The following GALNT10 variants were observed in gnomAD, a reference collection of about 807,000 sequenced individuals.
The protein encoded by GALNT10 is GalNAc transferase 10.
A neutral mutation model predicts 75.0 loss-of-function variants in GALNT10; 41 were observed. The ratio of observed to expected loss-of-function variants is 0.55; its 90% CI spans 0.43 to 0.71. GALNT10 has a LOEUF of 0.71. Ranked by LOEUF, GALNT10 falls within the 30% of genes least tolerant of loss-of-function variation. The pLI is 0.00. For synonymous variants in GALNT10, 302 were observed against 313.0 expected (o/e 0.96, Z 0.37); for missense variants, 727 against 818.5 (o/e 0.89, Z 1.36).
intron 1 of GALNT10, among the ~76,000 whole-genome samples, chr5:154,288,408 T>TTGTGTG (rs10534031): frequency 0.056 from 6,868 of 122,496 alleles, 169 homozygotes; most frequent in Non-Finnish European, 0.061. Context: ...AAAATTCCAT[T>TTGTGTG]TGTGTGTGTG....
intron 1 of GALNT10, among the ~76,000 whole-genome samples, chr5:154,264,524 A>T (rs1006887118): frequency 3.9e-5 from 6 of 152,160 alleles, no homozygotes; most frequent in Admixed American, 3.3e-4. Context: ...AAATGTATAT[A>T]ATGTATATAT....
intron 1 of GALNT10, among the ~76,000 whole-genome samples, chr5:154,210,106 A>T (rs758455933): frequency 1.3e-5 from 2 of 152,120 alleles, no homozygotes; most frequent in Non-Finnish European, 2.9e-5. Flanking sequence ...CAGCAGTCAG[A>T]GTTATCTTTT....
intron 9 of GALNT10, among the ~76,000 whole-genome samples, chr5:154,410,684 T>C (rs1457043363): frequency 1.3e-5 from 2 of 152,200 alleles, no homozygotes; most frequent in South Asian, 2.1e-4. Flanking sequence ...TAGGATGCTG[T>C]TGCCCTTCTT....
chr5:154,252,434 G>A (rs1202538177), intron 1 of GALNT10, among the ~76,000 whole-genome samples: 1 of 152,002 alleles, frequency 6.6e-6, no homozygotes, highest in Non-Finnish European at 1.5e-5. Context: ...CTTGAAAGTT[G>A]GTTTTGCTGG....
At chr5:154,250,755 A>G (rs1364492984) in intron 1 of GALNT10, among the ~76,000 whole-genome samples, 2 of 152,114 alleles carry the variant, frequency 1.3e-5, no homozygotes, top group Admixed American at 6.6e-5. Flanking sequence ...AAAAGATTAC[A>G]AACATCTTGT....
intron 1 of GALNT10, among the ~76,000 whole-genome samples, chr5:154,272,385 C>T (rs1199511817): frequency 6.6e-6 from 1 of 152,172 alleles, no homozygotes; most frequent in East Asian, 1.9e-4. Flanking sequence ...AATTTCTTCC[C>T]AGATCTATGG....
intron 1 of GALNT10, among the ~76,000 whole-genome samples, chr5:154,216,380 A>T (rs73802955): frequency 0.031 from 4,737 of 152,178 alleles, 260 homozygotes; most frequent in African/African-American, 0.11. Context: ...TGTGTTTTTT[A>T]AAAAAATGTA....
chr5:154,344,336 T>C (rs1029216020), intron 4 of GALNT10, among the ~76,000 whole-genome samples: 3 of 151,550 alleles, frequency 2.0e-5, no homozygotes, highest in Non-Finnish European at 4.4e-5. Flanking sequence ...CTCAGCCTCC[T>C]GAGTAGCTGG....
chr5:154,384,949 G>A (rs1485627740), intron 6 of GALNT10, among the ~76,000 whole-genome samples: 1 of 152,200 alleles, frequency 6.6e-6, no homozygotes, highest in Non-Finnish European at 1.5e-5. Flanking sequence ...GCTCCGTACA[G>A]CACCCGGCAT....
At chr5:154,341,641 T>C (rs1373859224) in intron 4 of GALNT10, among the ~76,000 whole-genome samples, 1 of 152,226 alleles carries the variant, frequency 6.6e-6, no homozygotes, top group Admixed American at 6.5e-5. Flanking sequence ...GCTAGCAGAT[T>C]TGTCTTAACC....
intron 4 of GALNT10, among the ~76,000 whole-genome samples, chr5:154,335,027 A>G (rs1754922910): frequency 6.6e-6 from 1 of 151,714 alleles, no homozygotes; most frequent in African/African-American, 2.4e-5. Flanking sequence ...TGCCCAATAA[A>G]CCTCTATTCC....
chr5:154,196,533 T>C (rs1774942454), intron 1 of GALNT10, among the ~76,000 whole-genome samples: 1 of 152,172 alleles, frequency 6.6e-6, no homozygotes, highest in South Asian at 2.1e-4. Context: ...TGGTTTCTGT[T>C]GGTTCTGACT....
In GALNT10 at chr5:154,409,381, A is replaced by G; in HGVS notation, c.1165-160A>G. 1.4e-6 allele frequency: 1 copy of G among 697,184 alleles called. No homozygotes were observed. Among genetic ancestry groups the G allele is most frequent in the Non-Finnish European group, 2.6e-6 (1 of 383,914 alleles). 43.2% of individuals were successfully genotyped at this position (697,184 alleles called of 1,614,324 possible). On this transcript the variant is annotated intron_variant, in intron 8 of 11. Transcript: ENST00000297107. The surrounding 1 kb of genome is among the most constrained non-coding windows in gnomAD (Gnocchi z 4.5). Reference sequence around the variant, plus strand: ...AGCCCTTAAAACATGCATAATGATAAATAGAAACACAGAAGGCCTAAACTC... The same window carrying G: ...AGCCCTTAAAACATGCATAATGATAGATAGAAACACAGAAGGCCTAAACTC...
chr5:154,349,326 A>G (rs1249643764), intron 4 of GALNT10: 1 of 152,116 alleles, frequency 6.6e-6, no homozygotes, highest in Non-Finnish European at 1.5e-5. Context: ...CTGATCCCCA[A>G]GGAGACCCAT....
intron 3 of GALNT10, among the ~76,000 whole-genome samples, chr5:154,306,684 G>A (rs1302329067): frequency 6.6e-6 from 1 of 151,618 alleles, no homozygotes; most frequent in African/African-American, 2.4e-5. Flanking sequence ...GCAAAGCAGG[G>A]ATCAATGAAA....
intron 4 of GALNT10, among the ~76,000 whole-genome samples, chr5:154,361,581 T>C (rs1755389228): frequency 6.6e-6 from 1 of 152,170 alleles, no homozygotes; most frequent in Non-Finnish European, 1.5e-5. Flanking sequence ...TACTGGAGGC[T>C]CAGTTAAATG....
intron 2 of GALNT10, among the ~76,000 whole-genome samples, chr5:154,295,908 T>A (rs1754265013): frequency 6.6e-6 from 1 of 152,218 alleles, no homozygotes; most frequent in South Asian, 2.1e-4. Flanking sequence ...TTATTCATTT[T>A]TATCTCCATT....
At chr5:154,344,925 G>C (rs1184550808) in intron 4 of GALNT10, among the ~76,000 whole-genome samples, 1 of 152,164 alleles carries the variant, frequency 6.6e-6, no homozygotes, top group Non-Finnish European at 1.5e-5. Flanking sequence ...GCCAGGCATA[G>C]CCCTGACAAG....
intron 1 of GALNT10, among the ~76,000 whole-genome samples, chr5:154,214,556 AT>A (rs1752835587): frequency 6.6e-6 from 1 of 151,418 alleles, no homozygotes. Context: ...AAAGGGACTA[AT>A]TTTTTTCTTT....
Sources: gnomAD v4.1 joint callset for allele counts (sites outside exome capture counted in the v4.1 genomes callset) on GRCh38, gnomAD v4.1.1 for gene constraint, Gnocchi (gnomAD v3.1) non-coding constraint, MANE v1.5 for transcripts, NCBI Gene and HGNC (gene_info 2026-07-23, HGNC 2026-07-21) for gene names.